Variants in TTC34 observed in about 807,000 individuals in gnomAD.
TTC34 encodes tetratricopeptide repeat protein 34.
In TTC34, 44 loss-of-function variants were observed where a neutral mutation model predicts 40.7. The ratio of observed to expected loss-of-function variants is 1.08; its 90% confidence interval spans 0.85 to 1.39. The LOEUF is 1.39. Ranked by LOEUF, TTC34 falls within the 40% of genes most tolerant of loss-of-function variation. The pLI, the probability that TTC34 is intolerant of heterozygous loss-of-function variation, is 0.00. For missense variants in TTC34, 884 were observed against 838.0 expected (o/e 1.05, Z -0.68); for synonymous variants, 422 against 398.6 (o/e 1.06, Z -0.70).
At chr1:2,695,658 C>A (rs1640828704) in intron 6 of TTC34, among the ~76,000 whole-genome samples, 3 of 121,542 alleles carry the variant, frequency 2.5e-5, no homozygotes, top group African/African-American at 3.3e-5. Context: ...ATCTGACCGC[C>A]TGGAACAGCA....
intron 6 of TTC34, among the ~76,000 whole-genome samples, chr1:2,688,530 C>A (rs1237612502): frequency 6.8e-6 from 1 of 146,432 alleles, no homozygotes; most frequent in Non-Finnish European, 1.5e-5. Context: ...AGTACCCACA[C>A]CCACAGGCGA....
chr1:2,694,292 CTGGAG>C (rs1640762725), intron 6 of TTC34, among the ~76,000 whole-genome samples: 1 of 99,094 alleles, frequency 1.0e-5, no homozygotes, highest in African/African-American at 4.1e-5. Context: ...ATCGGACAGC[CTGGAG>C]CAGCACCCAC....
chr1:2,794,367 C>A (rs1643693442), intron 2 of TTC34, among the ~76,000 whole-genome samples: 1 of 152,122 alleles, frequency 6.6e-6, no homozygotes, highest in Non-Finnish European at 1.5e-5. Context: ...AGTCATGTGA[C>A]TCTTAGAACT....
At chr1:2,752,732 ACCCC>A (rs1333170781) in intron 6 of TTC34, among the ~76,000 whole-genome samples, 1 of 124,732 alleles carries the variant, frequency 8.0e-6, no homozygotes, top group South Asian at 2.8e-4. Context: ...AGCACCCTGC[ACCCC>A]CAGGACAGCA....
intron 6 of TTC34, among the ~76,000 whole-genome samples, chr1:2,678,176 A>C (rs1570794523): frequency 3.3e-4 from 1 of 3,008 alleles, no homozygotes; most frequent in African/African-American, 5.6e-3. Context: ...CCCATAGCCC[A>C]TGGTGAGCAC....
intron 6 of TTC34, among the ~76,000 whole-genome samples, chr1:2,685,252 C>T (rs566451500): frequency 1.0e-5 from 1 of 96,048 alleles, no homozygotes. Flanking sequence ...AGGTGAGCAT[C>T]TGAGAGCCTG....
At chr1:2,656,116 C>G (rs1557589699) in intron 6 of TTC34, among the ~76,000 whole-genome samples, 8 of 152,094 alleles carry the variant, frequency 5.3e-5, no homozygotes, top group Admixed American at 6.5e-5. Context: ...CATCTGAGAG[C>G]CTGGAACAGA....
chr1:2,755,614 C>A (rs1394281703), intron 6 of TTC34, among the ~76,000 whole-genome samples: 1 of 125,014 alleles, frequency 8.0e-6, no homozygotes, highest in Non-Finnish European at 1.6e-5. Flanking sequence ...CCTGGAGCAG[C>A]ACCCACACAC....
chr1:2,773,057 C>A (rs1242776186), intron 6 of TTC34, among the ~76,000 whole-genome samples: 16 of 149,992 alleles, frequency 1.1e-4, no homozygotes, highest in African/African-American at 3.9e-4. Flanking sequence ...AGCACGCACA[C>A]CCCCAGGTGA....
chr1:2,799,836 G>A (rs1435658384), intron 2 of TTC34, among the ~76,000 whole-genome samples: 1 of 152,206 alleles, frequency 6.6e-6, no homozygotes, highest in East Asian at 1.9e-4. Flanking sequence ...ACCGGCTGGA[G>A]CAGTACCTTG....
chr1:2,752,466 G>A (rs1217398579), intron 6 of TTC34, among the ~76,000 whole-genome samples: 3 of 118,416 alleles, frequency 2.5e-5, no homozygotes, highest in East Asian at 2.6e-4. Flanking sequence ...AGGTGCGCAC[G>A]TGACAGCCTG....
At chr1:2,759,605 G>A (rs1641624505) in intron 6 of TTC34, among the ~76,000 whole-genome samples, 28 of 152,248 alleles carry the variant, frequency 1.8e-4, no homozygotes, top group African/African-American at 5.8e-4. Context: ...ACACCGCCAG[G>A]CGAGCATCCG....
chr1:2,777,552 G>T (rs1643282391), intron 6 of TTC34, among the ~76,000 whole-genome samples: 1 of 152,204 alleles, frequency 6.6e-6, no homozygotes, highest in African/African-American at 2.4e-5. Flanking sequence ...GTTACCTGTG[G>T]TGAAACCAAG....
At chr1:2,699,668 C>CACGCACAGCCCCAGGGGAGCA (rs879821661) in intron 6 of TTC34, among the ~76,000 whole-genome samples, 1 of 63,648 alleles carries the variant, frequency 1.6e-5, no homozygotes, top group Non-Finnish European at 4.1e-5. Flanking sequence ...AGGTGAGCAT[C>CACGCACAGCCCCAGGGGAGCA]TGACAGCCTG....
intron 6 of TTC34, among the ~76,000 whole-genome samples, chr1:2,683,543 G>A (rs1014995156): frequency 3.6e-5 from 1 of 27,502 alleles, no homozygotes; most frequent in African/African-American, 1.0e-4. Flanking sequence ...GTCTGGAGCA[G>A]CACCCACAAC....
chr1:2,756,593 G>C (rs1641513169), intron 6 of TTC34, among the ~76,000 whole-genome samples: 34 of 150,028 alleles, frequency 2.3e-4, no homozygotes, highest in African/African-American at 4.4e-4. Flanking sequence ...ACACCAACAG[G>C]TGAGCATCTG....
rs769620461 is a variant in TTC34, at chr1:2,785,794, C to T, written c.2059+25G>A. 825 of 1,539,044 alleles carry T rather than the reference C, an allele frequency of 5.4e-4. 1 individual carries two copies. Among genetic ancestry groups the T allele is most frequent in the Non-Finnish European group, 6.9e-4 (782 of 1,141,562 alleles). On this transcript the variant is annotated intron_variant, in intron 5 of 8. Transcript: ENST00000401095. ...CCTGTGCCTGGCACAAGACTGGGCC[C>T]TGGGGGCAGGTGGGCAGCTCCTACC...
In TTC34 at chr1:2,641,681, C is replaced by A. The variant is rs773963798; in HGVS notation, c.2927G>T (p.Arg976Leu). 184 of 1,535,382 alleles carry A rather than the reference C, an allele frequency of 1.2e-4. No individual in the cohort carries two copies. Among genetic ancestry groups the A allele is most frequent in the Non-Finnish European group, 1.6e-4 (183 of 1,146,726 alleles). The change falls in exon 9 of 9, where the codon CGG (arginine) becomes CTG (leucine). Residue 976 changes from arginine to leucine, a missense_variant. By Grantham distance (102) the Arg-to-Leu change is moderately radical. Transcript: ENST00000401095. ...ACCCTGACGGCAGAAGTCCTCTGCC[C>A]GCCTTGGGAGGTCACCATCCCCCAG...
chr1:2,654,007 C>A (rs71514380), intron 6 of TTC34, among the ~76,000 whole-genome samples: 2 of 101,622 alleles, frequency 2.0e-5, no homozygotes, highest in African/African-American at 7.2e-5. Flanking sequence ...GCAGTGCCCA[C>A]ACCCCCAGGC....
Sources: allele counts gnomAD v4.1 joint callset (sites outside exome capture counted in the v4.1 genomes callset), GRCh38; gene constraint gnomAD v4.1.1; transcripts MANE v1.5; gene names NCBI Gene and HGNC (gene_info 2026-07-23, HGNC 2026-07-21).